The following SEC16B variants were observed in gnomAD, a reference collection of about 807,000 sequenced individuals.
The protein encoded by SEC16B is SEC16 homolog B, endoplasmic reticulum export factor.
A neutral mutation model predicts 141.8 loss-of-function variants in SEC16B; 115 were observed. The ratio of observed to expected loss-of-function variants is 0.81; its 90% CI spans 0.70 to 0.95. SEC16B has a LOEUF of 0.95. Among genes scored for constraint, SEC16B ranks in the 40% least tolerant of loss-of-function variants. The pLI, the probability that SEC16B is intolerant of heterozygous loss-of-function variation, is 0.00. For synonymous variants in SEC16B, 493 were observed against 492.5 expected (o/e 1.00, Z -0.01); for missense variants, 1,291 against 1,312.3 (o/e 0.98, Z 0.25).
At chr1:177,932,913 G>A (rs1650554530) in intron 22 of SEC16B, 107 bp from the exon 23 acceptor site, 4 of 1,103,434 alleles carry the variant, frequency 3.6e-6, no homozygotes, top group Non-Finnish European at 5.3e-6. Flanking sequence ...GCCACAAACT[G>A]CTGCTGGGCA....
At chr1:177,961,507 G>A (rs945640) in intron 6 of SEC16B, 83 bp downstream of exon 6, 655,556 of 1,457,542 alleles carry the variant, frequency 0.45, 149,666 homozygotes, top group African/African-American at 0.58. Flanking sequence ...ATGATCCATC[G>A]TAAGGCTGAC....
Position 177,936,278 on chromosome 1 carries a change from T to G in SEC16B, c.2571+20A>C. 6.2e-7 allele frequency: 1 copy of G among 1,600,556 alleles called. No individual in the cohort carries two copies. Among genetic ancestry groups the G allele is most frequent in the Non-Finnish European group, 8.5e-7 (1 of 1,172,900 alleles). On this transcript the variant is annotated intron_variant, in intron 20 of 25. Coordinates refer to ENST00000308284, the MANE Select transcript of SEC16B (RefSeq NM_033127.4). ...AGCATTTGAGTGGGCAGTGGCATCT[T>G]TTATGCTGTGCGCTCTCACCTGTGG...
chr1:177,979,063 T>C (rs1465689216), intron 1 of SEC16B, among the ~76,000 whole-genome samples: 1 of 151,988 alleles, frequency 6.6e-6, no homozygotes, highest in Non-Finnish European at 1.5e-5. Flanking sequence ...GTACCAGTCA[T>C]CAAGTAGAGG....
In SEC16B at chr1:177,931,297, T is replaced by C. The variant is rs181596335; in HGVS notation, c.3013-654A>G. ...GCAACTTGGATGAAGCCGGAGTCCA[T>C]TATTCTAAGTGAAGTACACAGGAGT... On this transcript the variant is annotated intron_variant, in intron 24 of 25. Coordinates refer to ENST00000308284, the MANE Select transcript of SEC16B (RefSeq NM_033127.4). 3.0e-3 allele frequency among the ~76,000 whole-genome samples: 463 copies of C among 152,296 alleles called. 1 individual carries two copies. Among genetic ancestry groups the C allele is most frequent in the Middle Eastern group, 3.4e-3 (1 of 294 alleles).
chr1:177,967,797 G>T lies in SEC16B; in HGVS notation c.185C>A (p.Pro62His). The T allele has an allele frequency of 6.2e-7, 1 of 1,613,988 alleles. No individual in the cohort carries two copies. The highest frequency in any genetic ancestry group is 8.5e-7 in the Non-Finnish European group (1 of 1,179,894). ...GGGCTGCTGCTGATGGTCTGCCCTG[G>T]GCTCCTGCTGTGGCTGGGGGCTCCC... is the stretch of plus-strand genomic sequence containing the variant. ...NRGSPQPQQE[P>H]RADHQQQPHY... The change falls in exon 2 of 26, where the codon CCC becomes CAC. Residue 62 changes from proline (P) to histidine (H), a missense_variant. By Grantham distance (77) the Pro-to-His change is moderately conservative (BLOSUM62 -2). Coordinates refer to ENST00000308284, the MANE Select transcript of SEC16B (RefSeq NM_033127.4).
At chr1:177,939,845 G>T in intron 17 of SEC16B, 68 bp from the exon 18 acceptor site, 1 of 1,275,224 alleles carries the variant, frequency 7.8e-7, no homozygotes, top group Non-Finnish European at 1.1e-6. Flanking sequence ...GAAACAAAGT[G>T]ATTCAAAACT....
At chr1:177,948,591 G>A (rs1310146259) in intron 12 of SEC16B, 1 of 1,304,152 alleles carries the variant, frequency 7.7e-7, no homozygotes, top group South Asian at 1.2e-5. Flanking sequence ...AATGTACAAA[G>A]CCCCGCATCA....
chr1:177,954,576 C>T (rs1327818782), intron 10 of SEC16B, among the ~76,000 whole-genome samples, 200 bp from the exon 11 acceptor site: 1 of 152,234 alleles, frequency 6.6e-6, no homozygotes, highest in Non-Finnish European at 1.5e-5. Flanking sequence ...CTTCACCAGC[C>T]TTCACTTTAT....
In SEC16B at chr1:177,951,899, C is replaced by A; in HGVS notation, c.1545+15G>T. ...GGGATGCCTGGGTGATAAAGGAATC[C>A]TGTCATAGGGGTACCGTGGCTGCCT... On this transcript the variant is annotated intron_variant, in intron 12 of 25. Coordinates refer to ENST00000308284, the MANE Select transcript of SEC16B (RefSeq NM_033127.4). 2 of 1,588,778 alleles carry A rather than the reference C, an allele frequency of 1.3e-6. No homozygotes were observed. The highest frequency in any genetic ancestry group is 1.8e-5 in the Admixed American group (1 of 56,572).
In SEC16B at chr1:177,932,560, T is replaced by A; in HGVS notation, c.2942A>T (p.Glu981Val). ...SAFSRGRGGG[E>V]GRGSASSGGA... is the part of the protein sequence containing the mutation. The stretch of plus-strand genomic sequence containing the variant: ...CCCGCTGGATGCGGATCCTCGGCCT[T>A]CACCCCCACCTGGAAAGTAATGAGG... The change falls in exon 24 of 26, where the codon GAA becomes GTA. Residue 981 changes from glutamate (E) to valine (V), a missense_variant. By Grantham distance (121) the Glu-to-Val change is moderately radical. Coordinates refer to ENST00000308284, the MANE Select transcript of SEC16B (RefSeq NM_033127.4). 6.4e-7 allele frequency: 1 copy of A among 1,559,040 alleles called. No individual in the cohort carries two copies. Among genetic ancestry groups the A allele is most frequent in the Non-Finnish European group, 8.7e-7 (1 of 1,152,542 alleles).
chr1:177,979,602 G>A (rs1654317673), intron 1 of SEC16B, among the ~76,000 whole-genome samples: 1 of 152,208 alleles, frequency 6.6e-6, no homozygotes, highest in Admixed American at 6.5e-5. Context: ...AGGTTCTGGA[G>A]GACATTGAAG....
At chr1:177,937,126 C>T (rs2101909128) in intron 19 of SEC16B, 88 bp downstream of exon 19, 5 of 1,426,500 alleles carry the variant, frequency 3.5e-6, no homozygotes, top group African/African-American at 1.4e-5. Flanking sequence ...ACCCTACCTC[C>T]TCTGACTGGT....
At chr1:177,967,369 G>C (rs1324814406) in intron 2 of SEC16B, among the ~76,000 whole-genome samples, 1 of 152,140 alleles carries the variant, frequency 6.6e-6, no homozygotes, top group Non-Finnish European at 1.5e-5. Flanking sequence ...CAGAGCAAGA[G>C]GGTTCCATCT....
rs370130122 is a variant in SEC16B, at chr1:177,946,536, G to A, written c.1664-5C>T. ...CCTCCACAAGCCCCTTCCCAGCTGC[G>A]GGAGGAAGAGAACAAGACCCAATCA... On this transcript the variant is annotated splice_polypyrimidine_tract_variant and splice_region_variant and intron_variant, in intron 13 of 25. Coordinates refer to ENST00000308284, the MANE Select transcript of SEC16B (RefSeq NM_033127.4). The A allele has an allele frequency of 1.1e-4, 178 of 1,563,180 alleles. No homozygotes were observed. The highest frequency in any genetic ancestry group is 1.1e-4 in the African/African-American group (8 of 73,522).
At chr1:177,963,715 C>A (rs1005131579) in intron 5 of SEC16B, among the ~76,000 whole-genome samples, 1 of 152,112 alleles carries the variant, frequency 6.6e-6, no homozygotes, top group South Asian at 2.1e-4. Context: ...GCCCAGCTGG[C>A]GCATACAATA....
chr1:177,964,202 C>A lies in SEC16B; in HGVS notation c.611G>T (p.Gly204Val). ...TTTCTGGGCCTCAGCAAGCAGGCTC[C>A]CTGGAAACAGCTCCCCCGGCCACTC... is the stretch of plus-strand genomic sequence containing the variant. ...GQEWPGELFP[G>V]SLLAEAQKNK... is the part of the protein sequence containing the mutation. The change falls in exon 5 of 26, where the codon GGG (glycine) becomes GTG (valine). Residue 204 changes from glycine (G) to valine (V), a missense_variant. Gly to Val is a moderately radical substitution (Grantham distance 109). Transcript: ENST00000308284. 6.2e-7 allele frequency: 1 copy of A among 1,613,582 alleles called. No homozygotes were observed. Among genetic ancestry groups the A allele is most frequent in the Non-Finnish European group, 8.5e-7 (1 of 1,179,656 alleles).
chr1:177,960,707 A>G, intron 7 of SEC16B, 84 bp downstream of exon 7: 1 of 1,424,126 alleles, frequency 7.0e-7, no homozygotes, highest in Non-Finnish European at 9.4e-7. Flanking sequence ...GCCCCGGCTC[A>G]GGCACAGGAA....
At chr1:177,947,720 G>A (rs894940192) in intron 13 of SEC16B, 105 bp downstream of exon 13, 5 of 607,646 alleles carry the variant, frequency 8.2e-6, no homozygotes, top group Admixed American at 2.4e-5. Context: ...AGAGGGAGGG[G>A]AGGTGAGGAG....
Position 177,942,742 on chromosome 1 carries a change from TA to T in SEC16B, c.1882-703del, listed in dbSNP as rs569451003. On this transcript the variant is annotated intron_variant, in intron 15 of 25. Transcript: ENST00000308284. ...AATGGAGAGTACTGAGAAAAACAAG[TA>T]AGCGCTCGTGAAAGCATGAGTGGCA... Among the ~76,000 whole-genome samples the T allele has an allele frequency of 1.1e-3, 161 of 151,894 alleles. 1 individual carries two copies. The highest frequency in any genetic ancestry group is 2.2e-3 in the Admixed American group (34 of 15,270).
Sources: gnomAD v4.1 joint callset for allele counts (sites outside exome capture counted in the v4.1 genomes callset) on GRCh38, gnomAD v4.1.1 for gene constraint, MANE v1.5 for transcripts, NCBI Gene and HGNC (gene_info 2026-07-23, HGNC 2026-07-21) for gene names.